Variants in JARID2 observed in about 807,000 individuals in gnomAD.
JARID2 encodes jumonji and AT-rich interaction domain containing 2.
JARID2 carries 21 observed loss-of-function variants against 125.6 expected under a neutral mutation model. The observed-to-expected ratio is 0.17, with a 90% CI of 0.12 to 0.24. JARID2 has a LOEUF of 0.24. JARID2 is among the 10% of genes least tolerant of loss of function. The probability of loss-of-function intolerance (pLI) is 1.00; values close to 1 mark genes in which losing one functional copy is unlikely to be tolerated. For missense variants in JARID2, 1,303 were observed against 1,639.6 expected (o/e 0.79, Z 3.55); for synonymous variants, 736 against 661.6 (o/e 1.11, Z -1.73).
rs957377455 is a variant in JARID2 at position 15,511,416 on chromosome 6, C to T, written c.2952+15C>T. 1.9e-6 allele frequency: 3 copies of T among 1,565,782 alleles called. No individual in the cohort carries two copies. Among genetic ancestry groups the T allele is most frequent in the Non-Finnish European group, 2.6e-6 (3 of 1,138,386 alleles). On this transcript the variant is annotated intron_variant, in intron 13 of 17. Coordinates refer to ENST00000341776, the MANE Select transcript of JARID2 (RefSeq NM_004973.4). ...GCAACGTCATGGTGCGTCCACTCAG[C>T]CACCGCCTCCAGCAGGAGCTGTAGG...
At chr6:15,449,503 C>T (rs756747390) in intron 3 of JARID2, among the ~76,000 whole-genome samples, 2 of 151,160 alleles carry the variant, frequency 1.3e-5, no homozygotes, top group African/African-American at 2.4e-5. Context: ...AACCCAGCAA[C>T]AGCAACAAGC....
chr6:15,300,722 TGAGA>T lies in JARID2; in HGVS notation c.45+54163_45+54166del, dbSNP rs57766040. The stretch of plus-strand genomic sequence containing the variant: ...GTGTGTGTGTGTGTGTGTGTGTGTG[TGAGA>T]GAGAGAGAGAGAGAGAGAGAGAGAC... On this transcript the variant is annotated intron_variant, in intron 1 of 17. Coordinates refer to ENST00000341776, the MANE Select transcript of JARID2 (RefSeq NM_004973.4). Among the ~76,000 whole-genome samples the T allele has an allele frequency of 7.3e-3, 810 of 111,106 alleles. 5 individuals carry two copies. The highest frequency in any genetic ancestry group is 0.011 in the Admixed American group (124 of 11,394). The allele number at this position is 111,106 out of a possible 152,430, so 72.9% of individuals were successfully genotyped here.
Position 15,261,669 on chromosome 6 carries a change from ATCC to A in JARID2, c.45+15090_45+15092del, listed in dbSNP as rs1054775989. On this transcript the variant is annotated intron_variant, in intron 1 of 17. Transcript: ENST00000341776. Reference sequence around the variant, plus strand: ...TGGTTTCTGCCATCAGCAGCAAGTAATCCTCCTTGCTGAGTGTTAAAAGATTTC... The same window carrying A: ...TGGTTTCTGCCATCAGCAGCAAGTAATCCTTGCTGAGTGTTAAAAGATTTC... Among the ~76,000 whole-genome samples, 16 of 151,534 alleles carry A rather than the reference ATCC, an allele frequency of 1.1e-4. 1 individual carries two copies. The South Asian group carries it at 1.9e-3, about 18-fold the overall frequency.
intron 4 of JARID2, among the ~76,000 whole-genome samples, chr6:15,457,011 C>G (rs375529205): frequency 6.6e-6 from 1 of 151,308 alleles, no homozygotes; most frequent in Non-Finnish European, 1.5e-5. Flanking sequence ...CAGAGACGAC[C>G]GCTGTTAATT....
chr6:15,517,345 G>A (rs776135317), intron 17 of JARID2, 77 bp downstream of exon 17: 13 of 999,102 alleles, frequency 1.3e-5, no homozygotes, highest in African/African-American at 9.5e-5. Context: ...TAGGCACTCC[G>A]GCCTGGCAGT....
rs1767948234 is a variant in JARID2 at position 15,452,195 on chromosome 6, G to A, written c.493+20G>A. ...TTCGAGGTAAGACTTTGCAACCATC[G>A]GCGGAGGTCTACGTGGAATCTACAT... On this transcript the variant is annotated intron_variant, in intron 4 of 17. Coordinates refer to ENST00000341776, the MANE Select transcript of JARID2 (RefSeq NM_004973.4). 6.2e-7 allele frequency: 1 copy of A among 1,612,076 alleles called. No homozygotes were observed.
intron 5 of JARID2, among the ~76,000 whole-genome samples, chr6:15,476,688 T>C (rs1769356503): frequency 6.6e-6 from 1 of 152,218 alleles, no homozygotes; most frequent in Non-Finnish European, 1.5e-5. Context: ...CAACTTCTAT[T>C]TCAATAGCAC....
intron 2 of JARID2, among the ~76,000 whole-genome samples, chr6:15,384,707 C>T (rs1764716980): frequency 6.6e-6 from 1 of 152,100 alleles, no homozygotes; most frequent in Admixed American, 6.5e-5. Context: ...CCCGCCCCAA[C>T]CCCCCGAACT....
intron 3 of JARID2, among the ~76,000 whole-genome samples, chr6:15,421,636 A>G (rs568196818): frequency 9.9e-5 from 15 of 152,108 alleles, no homozygotes; most frequent in Non-Finnish European, 1.9e-4. Context: ...TTTTACCTTA[A>G]TTCTTTTGAA....
At chr6:15,306,326 T>A (rs1405975261) in intron 1 of JARID2, among the ~76,000 whole-genome samples, 1 of 140,098 alleles carries the variant, frequency 7.1e-6, no homozygotes, top group Non-Finnish European at 1.5e-5. Flanking sequence ...ATAGTCATAT[T>A]TCTTTTTTTT....
intron 1 of JARID2, among the ~76,000 whole-genome samples, chr6:15,309,876 T>TAGG (rs1157478559): frequency 1.3e-5 from 2 of 152,032 alleles, no homozygotes; most frequent in Admixed American, 6.6e-5. Context: ...TGGAAGAGTT[T>TAGG]AGGAAGAGGG....
intron 3 of JARID2, among the ~76,000 whole-genome samples, chr6:15,437,911 A>T (rs1234693538): frequency 6.6e-6 from 1 of 152,308 alleles, no homozygotes; most frequent in East Asian, 1.9e-4. Flanking sequence ...GCCACTTAAG[A>T]AGAACAAGTG....
intron 1 of JARID2, among the ~76,000 whole-genome samples, chr6:15,283,289 T>C (rs1760849583): frequency 6.7e-6 from 1 of 149,432 alleles, no homozygotes; most frequent in Admixed American, 6.7e-5. Flanking sequence ...TTCTGGTATT[T>C]ATTGAATATG....
intron 3 of JARID2, among the ~76,000 whole-genome samples, chr6:15,438,731 T>C (rs1238550489): frequency 2.0e-5 from 3 of 152,076 alleles, no homozygotes; most frequent in Non-Finnish European, 1.5e-5. Context: ...TCTGCTCCAT[T>C]GAAATCCCTT....
intron 1 of JARID2, among the ~76,000 whole-genome samples, chr6:15,371,285 A>G (rs545249193): frequency 2.6e-5 from 4 of 152,358 alleles, no homozygotes; most frequent in East Asian, 1.9e-4. Flanking sequence ...ACAGGATGCA[A>G]TAAATCGTCA....
intron 6 of JARID2, among the ~76,000 whole-genome samples, chr6:15,490,353 C>T (rs1770092418): frequency 6.6e-6 from 1 of 152,032 alleles, no homozygotes; most frequent in South Asian, 2.1e-4. Flanking sequence ...CCGAGAAGTG[C>T]CTTTGCTCTG....
intron 1 of JARID2, among the ~76,000 whole-genome samples, chr6:15,269,707 C>G (rs1760225265): frequency 1.3e-5 from 2 of 151,830 alleles, no homozygotes; most frequent in Admixed American, 1.3e-4. Context: ...TTGCCTGGCC[C>G]AGTTTCTTTG....
rs7768621 is a variant in JARID2, at chr6:15,468,645, C to A, written c.597C>A (p.Thr199=). The A allele has an allele frequency of 1.2e-6, 2 of 1,613,794 alleles. No individual in the cohort carries two copies. The highest frequency in any genetic ancestry group is 1.7e-6 in the Non-Finnish European group (2 of 1,179,930). The change falls in exon 5 of 18, where the codon ACC becomes ACA. Residue 199 remains threonine (T), a synonymous_variant. Coordinates refer to ENST00000341776, the MANE Select transcript of JARID2 (RefSeq NM_004973.4). ...DDETEDVKTA[T]NNASSSCQST... is the part of the protein sequence containing the mutation. ...AGACAGAAGACGTCAAAACAGCCAC[C>A]AACAATGCTTCATCTTCATGCCAGT... is the stretch of plus-strand genomic sequence containing the variant.
intron 1 of JARID2, among the ~76,000 whole-genome samples, chr6:15,334,341 T>TA (rs2127459779): frequency 6.6e-6 from 1 of 152,350 alleles, no homozygotes; most frequent in African/African-American, 2.4e-5. Context: ...GCCCTAGAGT[T>TA]ACTTTGGCAG....
Sources: allele counts gnomAD v4.1 joint callset (sites outside exome capture counted in the v4.1 genomes callset), GRCh38; gene constraint gnomAD v4.1.1; transcripts MANE v1.5; gene names NCBI Gene and HGNC (gene_info 2026-07-23, HGNC 2026-07-21).